The following DYNC1I1 variants were observed in gnomAD, a reference collection of about 807,000 sequenced individuals.
DYNC1I1 encodes cytoplasmic dynein 1 intermediate chain 1.
A neutral mutation model predicts 86.6 loss-of-function variants in DYNC1I1; 43 were observed. The observed-to-expected ratio is 0.50, with a 90% CI of 0.39 to 0.64. DYNC1I1 has a LOEUF of 0.64. Among genes scored for constraint, DYNC1I1 ranks in the 30% least tolerant of loss-of-function variants. The probability of loss-of-function intolerance (pLI) is 0.00; values close to 1 mark genes in which losing one functional copy is unlikely to be tolerated. For missense variants in DYNC1I1, 604 were observed against 788.8 expected, an observed-to-expected ratio of 0.77 and a Z score of 2.81; for synonymous variants, 262 against 283.7, an observed-to-expected ratio of 0.92 and a Z score of 0.77.
rs141289460 is a variant in DYNC1I1, at chr7:95,923,466, C to T, written c.490+53468C>T. 4.4e-3 allele frequency among the ~76,000 whole-genome samples: 675 copies of T among 152,154 alleles called. 7 individuals carry two copies. The highest frequency in any genetic ancestry group is 0.015 in the African/African-American group (613 of 41,542). ...AGCCAGTGACAAAGAACTTGTATTT[C>T]GCTTATTTTGCCATCGATGCCTTAT... On this transcript the variant is annotated intron_variant, in intron 6 of 16. Coordinates refer to ENST00000447467, the MANE Select transcript of DYNC1I1 (RefSeq NM_001135556.2).
intron 14 of DYNC1I1, among the ~76,000 whole-genome samples, chr7:96,043,289 C>A (rs938564190): frequency 6.6e-6 from 1 of 151,684 alleles, no homozygotes; most frequent in Non-Finnish European, 1.5e-5. Context: ...TAGAAACAAC[C>A]TTTTTCATAA....
chr7:96,074,880 G>T (rs1790285391), intron 14 of DYNC1I1, among the ~76,000 whole-genome samples: 1 of 152,066 alleles, frequency 6.6e-6, no homozygotes, highest in African/African-American at 2.4e-5. Context: ...TATTACTCTG[G>T]CCTGTACAGG....
At position 96,076,980 on chromosome 7, in the gene DYNC1I1, AT is replaced by A. The variant is rs988826664; in HGVS notation, c.1650+792del. 2.0e-3 allele frequency among the ~76,000 whole-genome samples: 300 copies of A among 151,632 alleles called. 1 individual carries two copies. The highest frequency in any genetic ancestry group is 5.9e-3 in the African/African-American group (246 of 41,370). ...CTGAGTTGCTAATTCAGCTACTTGG[AT>A]TTTTTTTTAACATAAATATTATTGT... On this transcript the variant is annotated intron_variant, in intron 15 of 16. Coordinates refer to ENST00000447467, the MANE Select transcript of DYNC1I1 (RefSeq NM_001135556.2).
chr7:95,833,803 T>A (rs1193298400), intron 5 of DYNC1I1, among the ~76,000 whole-genome samples: 19 of 143,136 alleles, frequency 1.3e-4, no homozygotes, highest in Middle Eastern at 3.6e-3. Flanking sequence ...ATGCTTGTGA[T>A]TTTTGTACAT....
At chr7:96,109,776 G>A (rs1279195447) in intron 16 of DYNC1I1, among the ~76,000 whole-genome samples, 1 of 152,028 alleles carries the variant, frequency 6.6e-6, no homozygotes, top group African/African-American at 2.4e-5. Flanking sequence ...ATCTTTTTAA[G>A]TTTATTGAGA....
intron 1 of DYNC1I1, among the ~76,000 whole-genome samples, chr7:95,801,330 A>ATATTTAT (rs1310546869): frequency 3.3e-5 from 5 of 152,200 alleles, no homozygotes; most frequent in African/African-American, 1.2e-4. Flanking sequence ...TTTGTAAGAC[A>ATATTTAT]TATTTATTAT....
intron 5 of DYNC1I1, among the ~76,000 whole-genome samples, chr7:95,834,808 G>A (rs1291556731): frequency 5.7e-5 from 8 of 139,364 alleles, no homozygotes; most frequent in South Asian, 2.4e-4. Flanking sequence ...CTGTGGGATC[G>A]GTGGTGATAT....
intron 1 of DYNC1I1, among the ~76,000 whole-genome samples, chr7:95,783,203 A>G (rs1794041196): frequency 6.6e-6 from 1 of 152,226 alleles, no homozygotes; most frequent in African/African-American, 2.4e-5. Context: ...GCCCATTAAA[A>G]TATAAAATGC....
chr7:96,003,922 G>A (rs1794078452), intron 10 of DYNC1I1, among the ~76,000 whole-genome samples: 1 of 152,116 alleles, frequency 6.6e-6, no homozygotes, highest in Non-Finnish European at 1.5e-5. Context: ...TCTTTAAGTT[G>A]CCTAATATTG....
downstream of DYNC1I1, among the ~76,000 whole-genome samples, chr7:96,099,911 C>T (rs868568507): frequency 9.9e-5 from 15 of 152,148 alleles, no homozygotes; most frequent in African/African-American, 3.1e-4. Flanking sequence ...GCACAACTAC[C>T]CTGAGACTTC....
chr7:95,982,871 G>A (rs1793490801), intron 7 of DYNC1I1, among the ~76,000 whole-genome samples: 1 of 152,144 alleles, frequency 6.6e-6, no homozygotes, highest in South Asian at 2.1e-4. Flanking sequence ...ATTCTGGAGT[G>A]AAATAATTCA....
intron 14 of DYNC1I1, chr7:96,055,748 A>T (rs569884763): frequency 6.6e-6 from 1 of 152,144 alleles, no homozygotes. Context: ...TAAGAAAAAA[A>T]CTCTTCTTTT....
chr7:96,088,091 T>C (rs1190940182), intron 16 of DYNC1I1, among the ~76,000 whole-genome samples: 1 of 152,176 alleles, frequency 6.6e-6, no homozygotes, highest in African/African-American at 2.4e-5. Flanking sequence ...CTTTGATAAT[T>C]ATATATGTAA....
intron 10 of DYNC1I1, among the ~76,000 whole-genome samples, chr7:96,003,169 G>C (rs1794055415): frequency 6.6e-6 from 1 of 152,186 alleles, no homozygotes; most frequent in African/African-American, 2.4e-5. Flanking sequence ...TAACCCATAA[G>C]GTTATACTAT....
intron 16 of DYNC1I1, among the ~76,000 whole-genome samples, chr7:96,090,475 T>G (rs1790807902): frequency 6.6e-6 from 1 of 152,070 alleles, no homozygotes; most frequent in Non-Finnish European, 1.5e-5. Flanking sequence ...TACTTTTATT[T>G]CTTTCCTTAA....
intron 10 of DYNC1I1, among the ~76,000 whole-genome samples, chr7:95,996,310 C>A (rs369379149): frequency 6.6e-6 from 1 of 152,114 alleles, no homozygotes; most frequent in South Asian, 2.1e-4. Context: ...TAAAACAGCC[C>A]CCATGAGGAT....
chr7:95,866,702 C>G (rs1790025816), intron 5 of DYNC1I1, among the ~76,000 whole-genome samples: 1 of 152,170 alleles, frequency 6.6e-6, no homozygotes, highest in South Asian at 2.1e-4. Flanking sequence ...CTTCATCCAT[C>G]CAGAGATCAT....
At chr7:95,812,347 A>C (rs1029154630) in intron 3 of DYNC1I1, among the ~76,000 whole-genome samples, 1 of 152,136 alleles carries the variant, frequency 6.6e-6, no homozygotes, top group African/African-American at 2.4e-5. Context: ...CATCTTGGCT[A>C]TTTGGTGCAG....
intron 1 of DYNC1I1, among the ~76,000 whole-genome samples, chr7:95,799,106 G>A (rs1428390121): frequency 6.6e-6 from 1 of 152,084 alleles, no homozygotes; most frequent in African/African-American, 2.4e-5. Context: ...CTGAGGGGCC[G>A]GGTGTGGTGG....
Sources: allele counts gnomAD v4.1 joint callset (sites outside exome capture counted in the v4.1 genomes callset), GRCh38; gene constraint gnomAD v4.1.1; transcripts MANE v1.5; gene names NCBI Gene and HGNC (gene_info 2026-07-23, HGNC 2026-07-21).